Variants in FLACC1 observed in about 807,000 individuals in gnomAD.
FLACC1 encodes flagellum associated containing coiled-coil domains 1.
A neutral mutation model predicts 62.8 loss-of-function variants in FLACC1; 66 were observed. The ratio of observed to expected loss-of-function variants is 1.05; its 90% confidence interval spans 0.86 to 1.29. The LOEUF is 1.29. FLACC1 is among the 50% of genes most tolerant of loss of function. The pLI, the probability that FLACC1 is intolerant of heterozygous loss-of-function variation, is 0.00. For missense variants in FLACC1, 452 were observed against 489.1 expected (o/e 0.92, Z 0.71); for synonymous variants, 156 against 161.0 (o/e 0.97, Z 0.24).
chr2:201,319,142 G>A (rs1273547630), intron 9 of FLACC1, among the ~76,000 whole-genome samples: 3 of 152,088 alleles, frequency 2.0e-5, no homozygotes, highest in African/African-American at 7.2e-5. Context: ...AAAACAGCTT[G>A]GTACTGATAC....
At chr2:201,319,353 A>G (rs1950360534) in intron 9 of FLACC1, among the ~76,000 whole-genome samples, 1 of 152,182 alleles carries the variant, frequency 6.6e-6, no homozygotes, top group Non-Finnish European at 1.5e-5. Context: ...CATATACAAA[A>G]ATCAACCCAA....
intron 9 of FLACC1, among the ~76,000 whole-genome samples, chr2:201,313,676 C>A (rs1950258563): frequency 6.6e-6 from 1 of 152,044 alleles, no homozygotes; most frequent in South Asian, 2.1e-4. Context: ...TTCTAGGGCC[C>A]CACCCACCGC....
chr2:201,354,338 G>A (rs1037221662), intron 1 of FLACC1, among the ~76,000 whole-genome samples: 1 of 152,202 alleles, frequency 6.6e-6, no homozygotes, highest in African/African-American at 2.4e-5. Context: ...GAGCAGTGGA[G>A]CAAAGGCAAG....
chr2:201,357,551 G>C (rs1318454666), upstream of FLACC1, among the ~76,000 whole-genome samples: 1 of 152,164 alleles, frequency 6.6e-6, no homozygotes, highest in African/African-American at 2.4e-5. Flanking sequence ...TTCCACTTTC[G>C]TCATCAGTCA....
At position 201,326,240 on chromosome 2, in the gene FLACC1, C is replaced by A. The variant is rs934085819; in HGVS notation, c.675+4230G>T. 2.0e-5 allele frequency among the ~76,000 whole-genome samples: 3 copies of A among 152,122 alleles called. No homozygotes were observed. The highest frequency in any genetic ancestry group is 7.2e-5 in the African/African-American group (3 of 41,422). Reference sequence around the variant, plus strand: ...ATGGAAAAAAGTTGAAAGCATTCCCCTTGAGAACCGGAACAAGACAAGATG... The same window carrying A: ...ATGGAAAAAAGTTGAAAGCATTCCCATTGAGAACCGGAACAAGACAAGATG... On this transcript the variant is annotated intron_variant, in intron 9 of 14. Coordinates refer to ENST00000392257, the MANE Select transcript of FLACC1 (RefSeq NM_001127391.3). This position sits in a 1 kb window ranked among gnomAD's most constrained non-coding sequence, Gnocchi z 4.1.
intron 9 of FLACC1, among the ~76,000 whole-genome samples, chr2:201,314,944 T>C (rs1338461879): frequency 6.6e-6 from 1 of 152,070 alleles, no homozygotes; most frequent in Non-Finnish European, 1.5e-5. Context: ...CCAAGCTTCA[T>C]AAATGAAGGA....
chr2:201,298,759 C>A (rs143327956), intron 12 of FLACC1, among the ~76,000 whole-genome samples: 1 of 152,190 alleles, frequency 6.6e-6, no homozygotes, highest in Non-Finnish European at 1.5e-5. Flanking sequence ...TGGATTTGAA[C>A]GGCTCCTCTT....
intron 9 of FLACC1, among the ~76,000 whole-genome samples, chr2:201,316,177 C>T (rs766045257): frequency 6.6e-6 from 1 of 151,836 alleles, no homozygotes; most frequent in Non-Finnish European, 1.5e-5. Flanking sequence ...CAAACACAAA[C>T]CCAGCAGAAG....
chr2:201,350,987 G>A (rs746762948), intron 2 of FLACC1, among the ~76,000 whole-genome samples: 24 of 152,172 alleles, frequency 1.6e-4, no homozygotes, highest in East Asian at 3.9e-4. Flanking sequence ...TTTGTCCCCC[G>A]ATTCCCAAAG....
intron 6 of FLACC1, among the ~76,000 whole-genome samples, chr2:201,343,006 C>CCA (rs1360911610): frequency 1.3e-5 from 2 of 152,190 alleles, no homozygotes; most frequent in Non-Finnish European, 2.9e-5. Flanking sequence ...CAGTCGGTGA[C>CCA]CACTGTCAGC....
intron 2 of FLACC1, 69 bp downstream of exon 2, chr2:201,351,223 T>G: frequency 7.5e-7 from 1 of 1,328,244 alleles, no homozygotes; most frequent in Non-Finnish European, 1.1e-6. Flanking sequence ...TTAGAAATCT[T>G]GTGAGAGAAA....
rs146230831 is a variant in FLACC1 at position 201,288,714 on chromosome 2, C to G, written c.1210G>C (p.Val404Leu). The change falls in exon 15 of 15, where the codon GTT (valine) becomes CTT (leucine). Residue 404 changes from valine (V) to leucine (L), a missense_variant. This residue lies in a region of FLACC1 where 301 missense variants were observed against 318.4 expected (regional missense o/e 0.95). Coordinates refer to ENST00000392257, the MANE Select transcript of FLACC1 (RefSeq NM_001127391.3). ...ACAGTGTCAGAATCATCCTTAGAAA[C>G]AGTAATAGAGGCCAATCTCCCAGAA... ...GCSGRLASIT[V>L]SKDDSDTVQD... The G allele has an allele frequency of 1.5e-5, 24 of 1,613,898 alleles. No homozygotes were observed. The highest frequency in any genetic ancestry group is 1.9e-5 in the Non-Finnish European group (23 of 1,179,990).
intron 7 of FLACC1, among the ~76,000 whole-genome samples, chr2:201,339,966 A>G (rs1488282751): frequency 6.6e-6 from 1 of 152,098 alleles, no homozygotes; most frequent in East Asian, 1.9e-4. Flanking sequence ...ACCCTCTAGC[A>G]CCCAAGTGGT....
chr2:201,289,715 T>C lies in FLACC1; in HGVS notation c.1013A>G (p.Gln338Arg). The change falls in exon 13 of 15, where the codon CAG becomes CGG. Residue 338 changes from glutamine to arginine, a missense_variant. This residue lies in a region of FLACC1 where 301 missense variants were observed against 318.4 expected (regional missense o/e 0.95). Transcript: ENST00000392257. ...ACTCACCTCTTTCTGGAGTTCCAAC[T>C]GGGTATAGTAGAGGTTTGTGTTCAG... ...ESLNTNLYYT[Q>R]LELQKEKAIV... is the part of the protein sequence containing the mutation. 1 of 1,613,982 alleles carries C rather than the reference T, an allele frequency of 6.2e-7. No individual in the cohort carries two copies. The highest frequency in any genetic ancestry group is 8.5e-7 in the Non-Finnish European group (1 of 1,179,936).
chr2:201,346,911 GC>G lies in FLACC1; in HGVS notation c.235-237del, dbSNP rs1950927547. Among the ~76,000 whole-genome samples, 1 of 152,138 alleles carries G rather than the reference GC, an allele frequency of 6.6e-6. No homozygotes were observed. The highest frequency in any genetic ancestry group is 2.4e-5 in the African/African-American group (1 of 41,422). ...CCTCTCAAGCTCTGCGCCAAACCAAGCCACTGATGCCCCTGCCCCCGACTTG... is the reference window on the plus strand; with the variant it reads ...CCTCTCAAGCTCTGCGCCAAACCAAGCACTGATGCCCCTGCCCCCGACTTG... On this transcript the variant is annotated intron_variant, in intron 4 of 14. Transcript: ENST00000392257. The surrounding 1 kb of genome is among the most constrained non-coding windows in gnomAD (Gnocchi z 4.0).
chr2:201,320,017 C>T (rs954416228), intron 9 of FLACC1, among the ~76,000 whole-genome samples: 6 of 152,208 alleles, frequency 3.9e-5, no homozygotes, highest in African/African-American at 1.4e-4. Flanking sequence ...CCCTGAAAGT[C>T]CAGACCATGG....
In FLACC1 at chr2:201,327,918, T is replaced by C. The variant is rs1280681553; in HGVS notation, c.675+2552A>G. Among the ~76,000 whole-genome samples the C allele has an allele frequency of 6.6e-5, 10 of 151,662 alleles. No homozygotes were observed. In the East Asian group the frequency reaches 7.7e-4, roughly 12 times the overall value. On this transcript the variant is annotated intron_variant, in intron 9 of 14. Transcript: ENST00000392257. ...GATGTGGAACCAACCTAAGTGCCCG[T>C]TGACTAATGAGTGGATAAATAAAAT... is the stretch of plus-strand genomic sequence containing the variant.
At chr2:201,355,602 G>C (rs1283547232) in intron 1 of FLACC1, among the ~76,000 whole-genome samples, 2 of 151,980 alleles carry the variant, frequency 1.3e-5, no homozygotes, top group Non-Finnish European at 2.9e-5. Context: ...GCACATGTCT[G>C]TAATCCCAAC....
intron 1 of FLACC1, among the ~76,000 whole-genome samples, chr2:201,353,382 CACAG>C (rs1951063939): frequency 1.3e-5 from 2 of 152,020 alleles, no homozygotes; most frequent in Admixed American, 1.3e-4. Context: ...ACATACGGAG[CACAG>C]ACAAATTACT....
Sources: gnomAD v4.1 joint callset for allele counts (sites outside exome capture counted in the v4.1 genomes callset) on GRCh38, gnomAD v4.1.1 for gene constraint, gnomAD v4.1.1 regional missense constraint, Gnocchi (gnomAD v3.1) non-coding constraint, MANE v1.5 for transcripts, NCBI Gene and HGNC (gene_info 2026-07-23, HGNC 2026-07-21) for gene names.